Variants in MACROD2 observed in about 807,000 individuals in gnomAD.
MACROD2 encodes the protein mono-ADP ribosylhydrolase 2, also known as ADP-ribose glycohydrolase MACROD2.
Under a neutral mutation model 70.4 loss-of-function variants are expected in MACROD2, and 36 were observed. The observed-to-expected ratio is 0.51, with a 90% CI of 0.39 to 0.68. The LOEUF is 0.68. MACROD2 is among the 30% of genes least tolerant of loss of function. MACROD2 has a pLI of 0.00. For missense variants in MACROD2, 496 were observed against 538.4 expected, an observed-to-expected ratio of 0.92 and a Z score of 0.78; for synonymous variants, 172 against 178.8, an observed-to-expected ratio of 0.96 and a Z score of 0.30.
At chr20:14,418,582 A>C (rs1360054189) in intron 3 of MACROD2, among the ~76,000 whole-genome samples, 1 of 152,212 alleles carries the variant, frequency 6.6e-6, no homozygotes. Context: ...GTTCATTGCC[A>C]GGCAAACCTT....
chr20:14,838,611 T>TA (rs1377757094), intron 5 of MACROD2, among the ~76,000 whole-genome samples: 2 of 152,238 alleles, frequency 1.3e-5, no homozygotes, highest in African/African-American at 4.8e-5. Flanking sequence ...TATCTCTTTT[T>TA]AAAAAAATAA....
At chr20:14,129,199 T>A (rs749209384) in intron 3 of MACROD2, among the ~76,000 whole-genome samples, 3 of 152,180 alleles carry the variant, frequency 2.0e-5, no homozygotes, top group Non-Finnish European at 4.4e-5. Flanking sequence ...ACACTTGTAA[T>A]TCATGGAAGG....
intron 8 of MACROD2, among the ~76,000 whole-genome samples, chr20:15,843,807 T>G (rs1234666038): frequency 6.6e-6 from 1 of 152,140 alleles, no homozygotes; most frequent in African/African-American, 2.4e-5. Flanking sequence ...ATGAGAAACG[T>G]GTAATTAACA....
intron 6 of MACROD2, among the ~76,000 whole-genome samples, chr20:15,233,064 A>G (rs2076973053): frequency 6.6e-6 from 1 of 151,920 alleles, no homozygotes. Flanking sequence ...AAATAAATGG[A>G]CAAGATCATC....
chr20:14,895,948 A>G (rs2073823118), intron 5 of MACROD2, among the ~76,000 whole-genome samples: 1 of 152,222 alleles, frequency 6.6e-6, no homozygotes, highest in Admixed American at 6.5e-5. Context: ...GTTACCATAT[A>G]TGTTTCTCTT....
chr20:14,602,108 G>A (rs1430015666), intron 4 of MACROD2, among the ~76,000 whole-genome samples: 2 of 152,102 alleles, frequency 1.3e-5, no homozygotes, highest in African/African-American at 4.8e-5. Context: ...TAGGCATGTG[G>A]ACACATTGAA....
At chr20:15,374,724 CACTTA>C (rs1469820697) in intron 6 of MACROD2, among the ~76,000 whole-genome samples, 1 of 152,198 alleles carries the variant, frequency 6.6e-6, no homozygotes, top group African/African-American at 2.4e-5. Context: ...TCTCCCGTTA[CACTTA>C]ACTTAAACAA....
chr20:14,711,719 C>T (rs146634234), intron 5 of MACROD2, among the ~76,000 whole-genome samples: 1 of 152,256 alleles, frequency 6.6e-6, no homozygotes, highest in East Asian at 1.9e-4. Context: ...AATCCCCCGC[C>T]CCAGCCCCAG....
At chr20:14,680,350 T>C (rs545333438) in intron 4 of MACROD2, among the ~76,000 whole-genome samples, 53 of 152,320 alleles carry the variant, frequency 3.5e-4, no homozygotes, top group African/African-American at 1.3e-3. Flanking sequence ...GGAATTTTAG[T>C]TCTCCCCAAG....
At chr20:14,579,169 C>G (rs997311437) in intron 4 of MACROD2, among the ~76,000 whole-genome samples, 1 of 111,962 alleles carries the variant, frequency 8.9e-6, no homozygotes, top group Admixed American at 1.4e-4. Flanking sequence ...GAGTCTCGCT[C>G]TGTCGCCCAG....
intron 4 of MACROD2, among the ~76,000 whole-genome samples, chr20:14,524,368 C>T (rs752464989): frequency 2.0e-5 from 3 of 152,210 alleles, no homozygotes; most frequent in Non-Finnish European, 4.4e-5. Flanking sequence ...TCACATTGTT[C>T]ATGTTCTTAA....
At chr20:14,094,755 G>A (rs926076524) in intron 3 of MACROD2, among the ~76,000 whole-genome samples, 7 of 151,984 alleles carry the variant, frequency 4.6e-5, no homozygotes, top group Non-Finnish European at 1.0e-4. Flanking sequence ...TTACTTCTCT[G>A]TACAGCCACC....
intron 8 of MACROD2, among the ~76,000 whole-genome samples, chr20:15,507,450 CT>C (rs1427829013): frequency 7.1e-6 from 1 of 141,136 alleles, no homozygotes; most frequent in Non-Finnish European, 1.5e-5. Context: ...CTTTCTTTTT[CT>C]TTTTTATTTT....
At chr20:15,321,766 T>C (rs1178445039) in intron 6 of MACROD2, among the ~76,000 whole-genome samples, 5 of 144,246 alleles carry the variant, frequency 3.5e-5, no homozygotes, top group Non-Finnish European at 7.8e-5. Flanking sequence ...TGTATGTGTG[T>C]GGTGATATTA....
intron 3 of MACROD2, among the ~76,000 whole-genome samples, chr20:14,305,616 G>A (rs1208104214): frequency 6.6e-6 from 1 of 152,086 alleles, no homozygotes. Flanking sequence ...CAACAAAGTT[G>A]TTGAAAGGAG....
chr20:15,180,825 C>T (rs1239192680), intron 5 of MACROD2, among the ~76,000 whole-genome samples: 2 of 152,168 alleles, frequency 1.3e-5, no homozygotes, highest in Non-Finnish European at 2.9e-5. Context: ...TCAAAATGGA[C>T]AGCATCATAA....
At chr20:14,779,138 A>G (rs1191270210) in intron 5 of MACROD2, among the ~76,000 whole-genome samples, 2 of 152,146 alleles carry the variant, frequency 1.3e-5, no homozygotes, top group Non-Finnish European at 2.9e-5. Flanking sequence ...TTCTTCCACC[A>G]AAAGGCATCA....
At chr20:15,118,335 G>C (rs552896026) in intron 5 of MACROD2, among the ~76,000 whole-genome samples, 1 of 151,906 alleles carries the variant, frequency 6.6e-6, no homozygotes, top group African/African-American at 2.4e-5. Context: ...TAGGACTACA[G>C]GCATGCGCCA....
At chr20:14,041,550 C>T (rs1008187000) in intron 2 of MACROD2, among the ~76,000 whole-genome samples, 1 of 152,078 alleles carries the variant, frequency 6.6e-6, no homozygotes, top group Non-Finnish European at 1.5e-5. Context: ...CTCTGGAAAA[C>T]AGGAAAAGAT....
Sources: allele counts gnomAD v4.1 joint callset (sites outside exome capture counted in the v4.1 genomes callset), GRCh38; gene constraint gnomAD v4.1.1; transcripts MANE v1.5; gene names NCBI Gene and HGNC (gene_info 2026-07-23, HGNC 2026-07-21).